Variants in DENND2D observed in about 807,000 individuals in gnomAD.
DENND2D encodes the protein DENN domain containing 2D, also known as DENN domain-containing protein 2D.
Under a neutral mutation model 59.8 loss-of-function variants are expected in DENND2D, and 37 were observed. The observed-to-expected ratio is 0.62, with a 90% CI of 0.48 to 0.81. The LOEUF (loss-of-function observed/expected upper bound fraction) is 0.81, where lower values mean the gene tolerates loss of function less well. DENND2D is among the 40% of genes least tolerant of loss of function. DENND2D has a pLI of 0.00. For synonymous variants in DENND2D, 219 were observed against 211.3 expected, an observed-to-expected ratio of 1.04 and a Z score of -0.31; for missense variants, 525 against 579.7, an observed-to-expected ratio of 0.91 and a Z score of 0.97.
At chr1:111,189,729 A>AT (rs201354461) in intron 8 of DENND2D, among the ~76,000 whole-genome samples, 1 of 152,072 alleles carries the variant, frequency 6.6e-6, no homozygotes, top group South Asian at 2.1e-4. Flanking sequence ...AAGAGAACCA[A>AT]TTTTTTTCCA....
In DENND2D at chr1:111,200,543, T is replaced by G; in HGVS notation, c.-84A>C. On this transcript the variant is annotated 5_prime_UTR_variant, in exon 1 of 12. Transcript: ENST00000357640. ...CAGTAAGCCTGAGAAAGGGGCTGCT[T>G]CGGTCTCCAGCCACAACTCTGTGAA... is the stretch of plus-strand genomic sequence containing the variant. The G allele has an allele frequency of 2.0e-6, 3 of 1,535,510 alleles. No individual in the cohort carries two copies. Among genetic ancestry groups the G allele is most frequent in the Non-Finnish European group, 2.6e-6 (3 of 1,137,986 alleles).
rs769569910 is a variant in DENND2D, at chr1:111,188,282, C to T, written c.1188G>A (p.Arg396=). 8 of 1,614,106 alleles carry T rather than the reference C, an allele frequency of 5.0e-6. No homozygotes were observed. The highest frequency in any genetic ancestry group is 6.8e-6 in the Non-Finnish European group (8 of 1,180,014). ...IVGHYASYIK[R]EANGQGHFQE... is the part of the protein sequence containing the mutation. Reference sequence around the variant, plus strand: ...GGAAGTGGCCTTGCCCATTTGCCTCCCGCTTGATATAGGAAGCATAATGGC... The same window carrying T: ...GGAAGTGGCCTTGCCCATTTGCCTCTCGCTTGATATAGGAAGCATAATGGC... The change falls in exon 11 of 12, where the codon CGG becomes CGA. Residue 396 remains arginine, a synonymous_variant. Coordinates refer to ENST00000357640, the MANE Select transcript of DENND2D (RefSeq NM_024901.5).
At chr1:111,188,931 T>C (rs1187539126) in intron 9 of DENND2D, 145 bp from the exon 10 acceptor site, 1 of 765,184 alleles carries the variant, frequency 1.3e-6, no homozygotes, top group African/African-American at 1.7e-5. Context: ...AGAAGCTGTT[T>C]CTTGGCCTTT....
At chr1:111,198,121 G>T in intron 3 of DENND2D, 132 bp from the exon 4 acceptor site, 2 of 792,036 alleles carry the variant, frequency 2.5e-6, no homozygotes, top group Non-Finnish European at 4.2e-6. Context: ...GGGCTCACTG[G>T]TGTCAGGCCC....
intron 5 of DENND2D, chr1:111,196,775 T>C (rs1338658599): frequency 4.5e-5 from 9 of 200,310 alleles, no homozygotes; most frequent in Non-Finnish European, 8.5e-5. Flanking sequence ...CATATTTGTT[T>C]AGTGCTCTGC....
intron 8 of DENND2D, among the ~76,000 whole-genome samples, chr1:111,191,569 A>G (rs1347903944): frequency 6.6e-6 from 1 of 152,220 alleles, no homozygotes; most frequent in African/African-American, 2.4e-5. Context: ...GTGCACTGCC[A>G]AGATGTAAGA....
At chr1:111,202,696 T>TACACACACACACACACAC (rs5741908), upstream of DENND2D, among the ~76,000 whole-genome samples, 65 of 142,956 alleles carry the variant, frequency 4.5e-4, no homozygotes, top group Admixed American at 1.4e-3. Context: ...GTCACCAGGA[T>TACACACACACACACACAC]ACACACACAC....
chr1:111,204,301 T>C, upstream of DENND2D: 1 of 1,481,532 alleles, frequency 6.7e-7, no homozygotes, highest in East Asian at 2.9e-5. Context: ...CTAACCCCCA[T>C]GGCCGCGCTT....
Position 111,199,796 on chromosome 1 carries a change from G to C in DENND2D, c.70C>G (p.Pro24Ala), listed in dbSNP as rs779692989. 32 of 1,611,196 alleles carry C rather than the reference G, an allele frequency of 2.0e-5. 1 individual carries two copies. The South Asian group carries it at 3.2e-4, about 16-fold the overall frequency. Residue 24 changes from proline (P) to alanine (A), a missense_variant and splice_region_variant, in exon 2 of 12, where the codon CCA becomes GCA. By Grantham distance (27) the Pro-to-Ala change is conservative (BLOSUM62 -1). Transcript: ENST00000357640. ...GCTTCCCCTGAATTGTCCTGGGGTG[G>C]TCCTGAAATCAAGCCAGAGCCCATT... The part of the protein sequence containing the change: ...QRRLLQLRAG[P>A]PQDNSGEALK...
chr1:111,188,002 A>G (rs1476961721), intron 11 of DENND2D, 129 bp downstream of exon 11: 2 of 1,346,640 alleles, frequency 1.5e-6, no homozygotes, highest in Non-Finnish European at 1.0e-6. Context: ...TGTCATTTCA[A>G]CTCCACTAAT....
In DENND2D at chr1:111,199,619, T is replaced by A; in HGVS notation, c.243+4A>T. On this transcript the variant is annotated splice_donor_region_variant and intron_variant, in intron 2 of 11. Coordinates refer to ENST00000357640, the MANE Select transcript of DENND2D (RefSeq NM_024901.5). ...GCTGGCCCTGCCCCTCCTTCAGTCC[T>A]TACCTTGGGAAATTGGTAGGTGATT... 1 of 1,612,326 alleles carries A rather than the reference T, an allele frequency of 6.2e-7. No individual in the cohort carries two copies. The highest frequency in any genetic ancestry group is 1.3e-5 in the African/African-American group (1 of 75,010).
rs1657260461 is a variant in DENND2D, at chr1:111,186,549, T to G, written c.*1056A>C. Among the ~76,000 whole-genome samples, 2 of 152,172 alleles carry G rather than the reference T, an allele frequency of 1.3e-5. No homozygotes were observed. Among genetic ancestry groups the G allele is most frequent in the Admixed American group, 6.5e-5 (1 of 15,284 alleles). Reference sequence around the variant, plus strand: ...GTAGAATTTTTGAAGATAAGATTCTTCTAAAAAAGCTTCCCAATGCTTGAG... The same window carrying G: ...GTAGAATTTTTGAAGATAAGATTCTGCTAAAAAAGCTTCCCAATGCTTGAG... On this transcript the variant is annotated 3_prime_UTR_variant, in exon 12 of 12. Coordinates refer to ENST00000357640, the MANE Select transcript of DENND2D (RefSeq NM_024901.5).
At chr1:111,204,421 G>T (rs544238196), upstream of DENND2D, 28 of 1,322,330 alleles carry the variant, frequency 2.1e-5, no homozygotes, top group Middle Eastern at 4.3e-4. Flanking sequence ...CTTGACCTCC[G>T]CGGGTCCGAC....
Position 111,186,476 on chromosome 1 carries a change from A to G in DENND2D, c.*1129T>C, listed in dbSNP as rs1352848071. Among the ~76,000 whole-genome samples the G allele has an allele frequency of 1.3e-5, 2 of 152,160 alleles. No individual in the cohort carries two copies. Among genetic ancestry groups the G allele is most frequent in the Non-Finnish European group, 2.9e-5 (2 of 68,018 alleles). The stretch of plus-strand genomic sequence containing the variant: ...CTCCAGAAACTTTTGTGTTCTTTGT[A>G]TAGAATTTAGGAACTTCTGAGGGCC... On this transcript the variant is annotated 3_prime_UTR_variant, in exon 12 of 12. Transcript: ENST00000357640.
intron 8 of DENND2D, among the ~76,000 whole-genome samples, chr1:111,190,058 A>G (rs1047620722): frequency 2.0e-4 from 30 of 151,302 alleles, no homozygotes; most frequent in East Asian, 5.9e-4. Context: ...CAGCTACTCC[A>G]GAGGCTGAGG....
At chr1:111,203,151 A>C (rs1475288149), upstream of DENND2D, among the ~76,000 whole-genome samples, 1 of 152,186 alleles carries the variant, frequency 6.6e-6, no homozygotes, top group Non-Finnish European at 1.5e-5. Context: ...GTGCAGATGG[A>C]ATGGCCAGAT....
At chr1:111,204,345 CCCATCCATGG>C, upstream of DENND2D, 1 of 1,480,274 alleles carries the variant, frequency 6.8e-7, no homozygotes, top group Non-Finnish European at 8.9e-7. Context: ...GGCGGCCGAG[CCCATCCATGG>C]CCCCTGGAGT....
At chr1:111,197,874 C>A in intron 4 of DENND2D, 46 bp downstream of exon 4, 1 of 1,612,244 alleles carries the variant, frequency 6.2e-7, no homozygotes, top group Non-Finnish European at 8.5e-7. Context: ...AGCCGTGGAG[C>A]TGAGCAGACT....
At chr1:111,203,418 T>C (rs1448976001), upstream of DENND2D, among the ~76,000 whole-genome samples, 1 of 152,176 alleles carries the variant, frequency 6.6e-6, no homozygotes, top group East Asian at 1.9e-4. Context: ...CCTCAGACAG[T>C]AGGACCTCTG....
Sources: gnomAD v4.1 joint callset for allele counts (sites outside exome capture counted in the v4.1 genomes callset) on GRCh38, gnomAD v4.1.1 for gene constraint, MANE v1.5 for transcripts, NCBI Gene and HGNC (gene_info 2026-07-23, HGNC 2026-07-21) for gene names.